The following RFX7 variants were observed in gnomAD, a reference collection of about 807,000 sequenced individuals.
RFX7 encodes DNA-binding protein RFX7.
Under a neutral mutation model 111.8 loss-of-function variants are expected in RFX7, and 26 were observed. The ratio of observed to expected loss-of-function variants is 0.23; its 90% CI spans 0.17 to 0.32. The LOEUF is 0.32. Among genes scored for constraint, RFX7 ranks in the 10% least tolerant of loss-of-function variants. The probability of loss-of-function intolerance (pLI) is 1.00; values close to 1 mark genes in which losing one functional copy is unlikely to be tolerated. For synonymous variants in RFX7, 624 were observed against 624.4 expected, an observed-to-expected ratio of 1.00 and a Z score of 0.01; for missense variants, 1,573 against 1,772.9, an observed-to-expected ratio of 0.89 and a Z score of 2.02.
intron 2 of RFX7, among the ~76,000 whole-genome samples, chr15:56,235,787 C>T (rs911857328): frequency 2.2e-4 from 33 of 152,258 alleles, no homozygotes; most frequent in African/African-American, 7.2e-4. Context: ...TTTGCTAATC[C>T]CGTGTTGGAA....
At chr15:56,120,705 T>G (rs2042067074) in intron 5 of RFX7, among the ~76,000 whole-genome samples, 1 of 152,216 alleles carries the variant, frequency 6.6e-6, no homozygotes, top group Non-Finnish European at 1.5e-5. Context: ...TGAAGAGATG[T>G]TGAATTTTAT....
chr15:56,174,326 A>C (rs755863357), intron 3 of RFX7, among the ~76,000 whole-genome samples: 1 of 152,174 alleles, frequency 6.6e-6, no homozygotes, highest in Non-Finnish European at 1.5e-5. Flanking sequence ...AAAATATAAG[A>C]TCTAGAAGAG....
chr15:56,216,121 C>T (rs1222042009), intron 2 of RFX7, among the ~76,000 whole-genome samples: 5 of 152,172 alleles, frequency 3.3e-5, no homozygotes, highest in African/African-American at 1.2e-4. Context: ...ACACTCAAGG[C>T]AAGGGGAACA....
chr15:56,202,790 C>T (rs764996162), intron 2 of RFX7, among the ~76,000 whole-genome samples: 7 of 152,032 alleles, frequency 4.6e-5, no homozygotes, highest in Non-Finnish European at 7.4e-5. Context: ...CCAGTCTGGG[C>T]GACAGGGCAA....
chr15:56,179,417 C>A, intron 2 of RFX7, 114 bp from the exon 3 acceptor site: 1 of 342,998 alleles, frequency 2.9e-6, no homozygotes. Context: ...ATAAATACAG[C>A]TTCCTATTAA....
At chr15:56,185,161 T>C (rs1252645633) in intron 2 of RFX7, among the ~76,000 whole-genome samples, 4 of 152,198 alleles carry the variant, frequency 2.6e-5, no homozygotes, top group African/African-American at 7.2e-5. Flanking sequence ...TTTTGCTACG[T>C]AGTATTTTGT....
intron 2 of RFX7, among the ~76,000 whole-genome samples, chr15:56,191,190 G>A (rs1467986619): frequency 3.3e-5 from 5 of 152,066 alleles, no homozygotes; most frequent in Non-Finnish European, 5.9e-5. Context: ...TAGTGGTTTG[G>A]GTAACTGTGG....
chr15:56,199,247 A>G (rs1218429046), intron 2 of RFX7, among the ~76,000 whole-genome samples: 1 of 152,214 alleles, frequency 6.6e-6, no homozygotes, highest in Non-Finnish European at 1.5e-5. Context: ...ACTGAGTGAT[A>G]CTGAAAGAAT....
chr15:56,211,979 C>T (rs2043317151), intron 2 of RFX7, among the ~76,000 whole-genome samples: 2 of 152,074 alleles, frequency 1.3e-5, no homozygotes, highest in Non-Finnish European at 1.5e-5. Context: ...TAAATAGATT[C>T]CTACCCTATG....
intron 2 of RFX7, among the ~76,000 whole-genome samples, chr15:56,181,591 C>T (rs1157262891): frequency 6.6e-6 from 1 of 151,864 alleles, no homozygotes; most frequent in Non-Finnish European, 1.5e-5. Flanking sequence ...AATTTCAGTC[C>T]CCCAGATGAA....
At chr15:56,227,083 TG>T (rs1368149923) in intron 2 of RFX7, among the ~76,000 whole-genome samples, 2 of 152,248 alleles carry the variant, frequency 1.3e-5, no homozygotes, top group African/African-American at 4.8e-5. Context: ...AAAAATTAAG[TG>T]GTTTATACAT....
intron 5 of RFX7, among the ~76,000 whole-genome samples, chr15:56,140,757 A>C (rs1026246312): frequency 8.5e-5 from 13 of 152,190 alleles, no homozygotes; most frequent in African/African-American, 3.1e-4. Flanking sequence ...AAAATCCTTT[A>C]ACTTTTTTTA....
chr15:56,213,174 C>G (rs1305961213), intron 2 of RFX7, among the ~76,000 whole-genome samples: 2 of 152,180 alleles, frequency 1.3e-5, no homozygotes, highest in Non-Finnish European at 2.9e-5. Context: ...TGGTACAGTA[C>G]ATTTGTACAT....
rs535578419 is a variant in RFX7 at position 56,231,092 on chromosome 15, G to T, written c.161+12033C>A. On this transcript the variant is annotated intron_variant, in intron 2 of 9. Coordinates refer to ENST00000559447, the MANE Select transcript of RFX7 (RefSeq NM_022841.7). ...TCACAGAATATAAGGCAAACAGTGA[G>T]ATGCCTGAGGGACTGAAGTGGATGT... Among the ~76,000 whole-genome samples, 13 of 152,336 alleles carry T rather than the reference G, an allele frequency of 8.5e-5. No individual in the cohort carries two copies. In the South Asian group the frequency reaches 2.7e-3, roughly 32 times the overall value.
intron 2 of RFX7, among the ~76,000 whole-genome samples, chr15:56,186,122 T>C (rs1447524904): frequency 6.6e-6 from 1 of 152,202 alleles, no homozygotes; most frequent in Non-Finnish European, 1.5e-5. Flanking sequence ...CTGGTTCTCA[T>C]ATTTTACCCT....
At chr15:56,104,522 C>T (rs1435395339) in intron 5 of RFX7, among the ~76,000 whole-genome samples, 1 of 152,184 alleles carries the variant, frequency 6.6e-6, no homozygotes, top group Non-Finnish European at 1.5e-5. Context: ...AGGACAGCTT[C>T]TTGATGAAGT....
At chr15:56,210,829 C>T (rs951909732) in intron 2 of RFX7, among the ~76,000 whole-genome samples, 1 of 152,072 alleles carries the variant, frequency 6.6e-6, no homozygotes, top group South Asian at 2.1e-4. Flanking sequence ...GCACTGAATA[C>T]ATATATTAGA....
chr15:56,242,329 G>T (rs901861987), intron 2 of RFX7, among the ~76,000 whole-genome samples: 2 of 152,144 alleles, frequency 1.3e-5, no homozygotes, highest in Non-Finnish European at 2.9e-5. Context: ...ACAGTGGATG[G>T]ACTTAGTGTA....
chr15:56,140,125 G>C (rs1217254787), intron 5 of RFX7, among the ~76,000 whole-genome samples: 2 of 152,190 alleles, frequency 1.3e-5, no homozygotes, highest in Non-Finnish European at 1.5e-5. Flanking sequence ...AGGCCTCCTT[G>C]AGCTGTGGTG....
Sources: allele counts gnomAD v4.1 joint callset (sites outside exome capture counted in the v4.1 genomes callset), GRCh38; gene constraint gnomAD v4.1.1; transcripts MANE v1.5; gene names NCBI Gene and HGNC (gene_info 2026-07-23, HGNC 2026-07-21).